The following CNTN5 variants were observed in gnomAD, a reference collection of about 807,000 sequenced individuals.
The protein encoded by CNTN5 is contactin 5.
In CNTN5, 77 loss-of-function variants were observed where a neutral mutation model predicts 129.1. That is an observed-to-expected ratio of 0.60 (90% CI 0.50 to 0.72). CNTN5 has a LOEUF of 0.72. CNTN5 is among the 30% of genes least tolerant of loss of function. CNTN5 has a pLI of 0.00. For missense variants in CNTN5, 1,478 were observed against 1,328.8 expected, an observed-to-expected ratio of 1.11 and a Z score of -1.75; for synonymous variants, 509 against 465.6, an observed-to-expected ratio of 1.09 and a Z score of -1.20.
intron 3 of CNTN5, among the ~76,000 whole-genome samples, chr11:99,616,908 C>T (rs940746626): frequency 2.0e-5 from 3 of 152,234 alleles, no homozygotes; most frequent in South Asian, 4.1e-4. Context: ...GTCAGGAGTT[C>T]GAGACCAGCC....
intron 1 of CNTN5, among the ~76,000 whole-genome samples, chr11:99,093,541 T>C (rs1940492): frequency 0.44 from 67,179 of 151,388 alleles, 15,021 homozygotes; most frequent in East Asian, 0.54. Context: ...ACATTAAATG[T>C]GACCCATGTT....
At chr11:100,320,127 C>G (rs1475630135) in intron 21 of CNTN5, among the ~76,000 whole-genome samples, 2 of 152,110 alleles carry the variant, frequency 1.3e-5, no homozygotes, top group Non-Finnish European at 2.9e-5. Context: ...TTGGGGGGAG[C>G]CTCCATACTG....
At chr11:99,291,558 A>T (rs1317648553) in intron 1 of CNTN5, among the ~76,000 whole-genome samples, 2 of 152,068 alleles carry the variant, frequency 1.3e-5, no homozygotes, top group Non-Finnish European at 2.9e-5. Flanking sequence ...AAAAAACATG[A>T]AAAATATGAT....
At chr11:99,387,638 GA>G (rs1940993244) in intron 2 of CNTN5, among the ~76,000 whole-genome samples, 1 of 149,708 alleles carries the variant, frequency 6.7e-6, no homozygotes, top group South Asian at 2.1e-4. Context: ...CTAACCAAAG[GA>G]AGTTTCTGTC....
chr11:100,352,643 GACTT>G (rs1952442693), intron 24 of CNTN5, among the ~76,000 whole-genome samples: 1 of 151,636 alleles, frequency 6.6e-6, no homozygotes, highest in East Asian at 1.9e-4. Context: ...GGAGAAATCT[GACTT>G]TTTCAGAAAT....
At chr11:99,906,177 A>G (rs1373082221) in intron 6 of CNTN5, among the ~76,000 whole-genome samples, 1 of 152,112 alleles carries the variant, frequency 6.6e-6, no homozygotes, top group African/African-American at 2.4e-5. Context: ...ATCATGTTGA[A>G]TAGGAGTGGT....
chr11:99,516,243 T>G (rs1015989296), intron 2 of CNTN5, among the ~76,000 whole-genome samples: 1 of 152,098 alleles, frequency 6.6e-6, no homozygotes, highest in East Asian at 1.9e-4. Context: ...ATAAAAATCA[T>G]TTTTACCATT....
intron 1 of CNTN5, among the ~76,000 whole-genome samples, chr11:99,224,118 C>T (rs952921640): frequency 2.0e-5 from 3 of 152,000 alleles, no homozygotes; most frequent in Non-Finnish European, 2.9e-5. Context: ...AATAAATGCC[C>T]GATAGAAGGA....
At chr11:99,987,175 C>A (rs1268150054) in intron 8 of CNTN5, among the ~76,000 whole-genome samples, 1 of 152,008 alleles carries the variant, frequency 6.6e-6, no homozygotes, top group African/African-American at 2.4e-5. Flanking sequence ...CAAGTAGATT[C>A]ACTAATTGTC....
chr11:99,247,541 A>T lies in CNTN5; in HGVS notation c.-209-77805A>T, dbSNP rs558631403. On this transcript the variant is annotated intron_variant, in intron 1 of 24. Transcript: ENST00000524871. The stretch of plus-strand genomic sequence containing the variant: ...TTAGTTACATATGTATACATGTGCC[A>T]TGTTGTTGTGTTGCACCCATTAACT... 2.0e-5 allele frequency among the ~76,000 whole-genome samples: 3 copies of T among 152,096 alleles called. 1 individual carries two copies. Among genetic ancestry groups the T allele is most frequent in the African/African-American group, 7.2e-5 (3 of 41,482 alleles).
At chr11:99,365,669 A>G (rs182577937) in intron 2 of CNTN5, among the ~76,000 whole-genome samples, 283 of 152,304 alleles carry the variant, frequency 1.9e-3, no homozygotes, top group Non-Finnish European at 2.8e-3. Flanking sequence ...TATAATATGC[A>G]GTAACTTTAA....
At chr11:99,891,243 T>G (rs1331163968) in intron 6 of CNTN5, among the ~76,000 whole-genome samples, 1 of 152,186 alleles carries the variant, frequency 6.6e-6, no homozygotes, top group Non-Finnish European at 1.5e-5. Context: ...GGGGACTTTC[T>G]TTACTAGCTT....
chr11:99,158,209 C>T (rs1171565315), intron 1 of CNTN5, among the ~76,000 whole-genome samples: 1 of 152,068 alleles, frequency 6.6e-6, no homozygotes, highest in Non-Finnish European at 1.5e-5. Flanking sequence ...TGTTCAAAAC[C>T]GAGCTCTTGA....
At chr11:99,819,470 G>T (rs1054639707) in intron 3 of CNTN5, 74 bp from the exon 4 acceptor site, 8 of 1,343,748 alleles carry the variant, frequency 6.0e-6, no homozygotes, top group Non-Finnish European at 8.3e-6. Context: ...TGTCTTCAAA[G>T]AAACAATCTT....
intron 2 of CNTN5, among the ~76,000 whole-genome samples, chr11:99,457,553 A>T (rs549519950): frequency 6.6e-6 from 1 of 152,030 alleles, no homozygotes; most frequent in East Asian, 1.9e-4. Context: ...TATTTCCCCT[A>T]AAAGTTTTAT....
At chr11:99,825,604 G>T (rs1222148006) in intron 4 of CNTN5, among the ~76,000 whole-genome samples, 1 of 151,940 alleles carries the variant, frequency 6.6e-6, no homozygotes, top group African/African-American at 2.4e-5. Context: ...AACTATCTTA[G>T]TCTTTATCTG....
At chr11:100,206,600 T>C (rs565084612) in intron 15 of CNTN5, among the ~76,000 whole-genome samples, 1 of 152,228 alleles carries the variant, frequency 6.6e-6, no homozygotes, top group South Asian at 2.1e-4. Context: ...ATAGAAATTA[T>C]TACAACTGTA....
At chr11:99,907,609 A>G (rs939985301) in intron 6 of CNTN5, among the ~76,000 whole-genome samples, 1 of 151,740 alleles carries the variant, frequency 6.6e-6, no homozygotes, top group African/African-American at 2.4e-5. Flanking sequence ...ATCTTTTATT[A>G]TATGTCAAAC....
intron 8 of CNTN5, among the ~76,000 whole-genome samples, chr11:99,996,672 G>A (rs1784079048): frequency 6.6e-6 from 1 of 152,070 alleles, no homozygotes; most frequent in Non-Finnish European, 1.5e-5. Flanking sequence ...ACTTGAGACT[G>A]GGTAACTTAT....
Sources: allele counts gnomAD v4.1 joint callset (sites outside exome capture counted in the v4.1 genomes callset), GRCh38; gene constraint gnomAD v4.1.1; transcripts MANE v1.5; gene names NCBI Gene and HGNC (gene_info 2026-07-23, HGNC 2026-07-21).